Variants in SEMA3C observed in about 807,000 individuals in gnomAD.
SEMA3C encodes semaphorin-3C.
SEMA3C carries 47 observed loss-of-function variants against 89.4 expected under a neutral mutation model. That is an observed-to-expected ratio of 0.53 (90% CI 0.42 to 0.67). The LOEUF (loss-of-function observed/expected upper bound fraction) is 0.67. SEMA3C is among the 30% of genes least tolerant of loss of function. SEMA3C has a pLI of 0.00. For synonymous variants in SEMA3C, 310 were observed against 320.2 expected, an observed-to-expected ratio of 0.97 and a Z score of 0.34; for missense variants, 839 against 929.1, an observed-to-expected ratio of 0.90 and a Z score of 1.26.
At chr7:80,812,368 A>G (rs377585569) in intron 5 of SEMA3C, among the ~76,000 whole-genome samples, 1 of 152,212 alleles carries the variant, frequency 6.6e-6, no homozygotes, top group African/African-American at 2.4e-5. Flanking sequence ...TAATAGCACA[A>G]TTTGAATTCA....
intron 2 of SEMA3C, among the ~76,000 whole-genome samples, chr7:80,829,403 G>A (rs927124183): frequency 4.6e-5 from 7 of 152,220 alleles, no homozygotes; most frequent in South Asian, 4.1e-4. Context: ...ACCAACAGCA[G>A]TGTGATTGTC....
At chr7:80,761,719 A>G in intron 13 of SEMA3C, 62 bp from the exon 14 acceptor site, 2 of 938,090 alleles carry the variant, frequency 2.1e-6, no homozygotes, top group Non-Finnish European at 3.2e-6. Flanking sequence ...TTTTACATTC[A>G]GATTTTTTTT....
intron 16 of SEMA3C, among the ~76,000 whole-genome samples, chr7:80,750,948 G>A (rs1394584019): frequency 6.6e-6 from 1 of 151,976 alleles, no homozygotes; most frequent in African/African-American, 2.4e-5. Context: ...GTTCTTCAGT[G>A]GTAAATCTTA....
In SEMA3C at chr7:80,812,624, T is replaced by G. The variant is rs374466925; in HGVS notation, c.448-1923A>C. Among the ~76,000 whole-genome samples, 6 of 152,272 alleles carry G rather than the reference T, an allele frequency of 3.9e-5. No individual in the cohort carries two copies. In the East Asian group the frequency reaches 1.2e-3, roughly 29 times the overall value. On this transcript the variant is annotated intron_variant, in intron 5 of 17. Coordinates refer to ENST00000265361, the MANE Select transcript of SEMA3C (RefSeq NM_006379.5). ...CTCCTACATTGCACAGCACTCTAGATCTAGATCACCCCCACCAGGAGCAGA... is the reference window on the plus strand; with the variant it reads ...CTCCTACATTGCACAGCACTCTAGAGCTAGATCACCCCCACCAGGAGCAGA...
At chr7:80,836,052 CATAGTATCAAAT>C (rs372590170) in intron 2 of SEMA3C, among the ~76,000 whole-genome samples, 100 of 152,250 alleles carry the variant, frequency 6.6e-4, no homozygotes, top group African/African-American at 2.4e-3. Flanking sequence ...CATGGGTCTG[CATAGTATCAAAT>C]GTAGTATAAG....
intron 12 of SEMA3C, among the ~76,000 whole-genome samples, chr7:80,779,205 T>C (rs1305202802): frequency 6.6e-6 from 1 of 152,186 alleles, no homozygotes; most frequent in African/African-American, 2.4e-5. Context: ...AAAGCCTCAG[T>C]TTACACAACT....
chr7:80,814,095 T>C (rs1789540243), intron 5 of SEMA3C, among the ~76,000 whole-genome samples: 1 of 151,152 alleles, frequency 6.6e-6, no homozygotes. Context: ...TTTTTTCTTT[T>C]TTTTTTTATT....
intron 8 of SEMA3C, among the ~76,000 whole-genome samples, chr7:80,803,541 A>G (rs1457405550): frequency 1.3e-5 from 2 of 152,204 alleles, no homozygotes; most frequent in African/African-American, 4.8e-5. Context: ...GTAAAACTCT[A>G]TTATAGAAAG....
At chr7:80,816,170 G>C (rs761634004) in intron 5 of SEMA3C, 9 of 152,104 alleles carry the variant, frequency 5.9e-5, no homozygotes, top group Non-Finnish European at 1.2e-4. Flanking sequence ...GAGAAATGGG[G>C]TATAACAAAA....
intron 15 of SEMA3C, among the ~76,000 whole-genome samples, chr7:80,755,132 T>G (rs557556916): frequency 6.6e-6 from 1 of 151,560 alleles, no homozygotes; most frequent in Non-Finnish European, 1.5e-5. Flanking sequence ...CTACTTTCCT[T>G]CTCTATCCAT....
intron 2 of SEMA3C, among the ~76,000 whole-genome samples, chr7:80,902,393 T>A (rs571534354): frequency 1.1e-4 from 17 of 152,188 alleles, no homozygotes; most frequent in African/African-American, 4.1e-4. Context: ...CTACCTCCTA[T>A]CAGTTACACA....
chr7:80,878,404 TA>T (rs1791250264), intron 2 of SEMA3C, among the ~76,000 whole-genome samples: 1 of 151,994 alleles, frequency 6.6e-6, no homozygotes, highest in Non-Finnish European at 1.5e-5. Flanking sequence ...AAAAAAGAAT[TA>T]AAAAATGAAT....
At chr7:80,789,215 C>G in intron 12 of SEMA3C, 91 bp downstream of exon 12, 1 of 1,008,758 alleles carries the variant, frequency 9.9e-7, no homozygotes, top group South Asian at 1.6e-5. Context: ...TGGAGTTTTT[C>G]TAGTTTCAAG....
rs1787714087 is a variant in SEMA3C, at chr7:80,742,907, CAATTT to C, written c.*1982_*1986del. 2 of 151,890 alleles carry C rather than the reference CAATTT, an allele frequency of 1.3e-5. No individual in the cohort carries two copies. The highest frequency in any genetic ancestry group is 1.5e-5 in the Non-Finnish European group (1 of 67,818). The allele number at this position is 151,890 out of a possible 1,614,324, so 9.4% of individuals were successfully genotyped here. On this transcript the variant is annotated 3_prime_UTR_variant, in exon 18 of 18. Transcript: ENST00000265361. ...TTTTTAAAAGTAATGAAAGTGTACA[CAATTT>C]AATAATTGTGAAAATAGAAAGAATT...
intron 3 of SEMA3C, among the ~76,000 whole-genome samples, chr7:80,827,799 T>C (rs1045214790): frequency 6.6e-6 from 1 of 152,182 alleles, no homozygotes; most frequent in Non-Finnish European, 1.5e-5. Flanking sequence ...CCTTTTGACA[T>C]AGTACACTTT....
intron 2 of SEMA3C, among the ~76,000 whole-genome samples, chr7:80,841,151 A>C (rs548640724): frequency 1.2e-4 from 18 of 152,280 alleles, no homozygotes; most frequent in African/African-American, 4.1e-4. Context: ...TCAGATGCCA[A>C]TGAAACAAAT....
intron 12 of SEMA3C, among the ~76,000 whole-genome samples, chr7:80,777,869 TTA>T (rs752064345): frequency 2.4e-4 from 37 of 152,326 alleles, no homozygotes; most frequent in Non-Finnish European, 4.9e-4. Flanking sequence ...AGTGACTAAG[TTA>T]TGTTTTGATT....
At chr7:80,786,043 T>C (rs528548000) in intron 12 of SEMA3C, among the ~76,000 whole-genome samples, 4 of 152,358 alleles carry the variant, frequency 2.6e-5, no homozygotes, top group Admixed American at 1.3e-4. Context: ...TTCAGTAAGA[T>C]GCTGTTGGCA....
At position 80,784,894 on chromosome 7, in the gene SEMA3C, G is replaced by A. The variant is rs74458306; in HGVS notation, c.1354+4412C>T. ...ATGTACCATACAGAACATATGGTGG[G>A]CTAGATTTGGGCCATAGGTTATATT... On this transcript the variant is annotated intron_variant, in intron 12 of 17. Transcript: ENST00000265361. Among the ~76,000 whole-genome samples the A allele has an allele frequency of 4.6e-3, 693 of 152,156 alleles. 31 individuals carry two copies. The East Asian group carries it at 0.1, about 23-fold the overall frequency.
Sources: allele counts gnomAD v4.1 joint callset (sites outside exome capture counted in the v4.1 genomes callset), GRCh38; gene constraint gnomAD v4.1.1; transcripts MANE v1.5; gene names NCBI Gene and HGNC (gene_info 2026-07-23, HGNC 2026-07-21).